SH3D19: variants seen among roughly 807,000 people sequenced by gnomAD.
The protein encoded by SH3D19 is SH3 domain-containing protein 19.
SH3D19 carries 58 observed loss-of-function variants against 112.1 expected under a neutral mutation model. The observed-to-expected ratio is 0.52, with a 90% CI of 0.42 to 0.64. The LOEUF (loss-of-function observed/expected upper bound fraction) is 0.64, where lower values mean the gene tolerates loss of function less well. SH3D19 is among the 30% of genes least tolerant of loss of function. SH3D19 has a pLI of 0.00. For missense variants in SH3D19, 1,090 were observed against 1,263.4 expected (o/e 0.86, Z 2.08); for synonymous variants, 391 against 448.5 (o/e 0.87, Z 1.62).
chr4:151,280,051 A>AGATAGGCAGGGCGGAAGG, intron 1 of SH3D19: 3 of 702,750 alleles, frequency 4.3e-6, no homozygotes, highest in Non-Finnish European at 6.1e-6. Context: ...GAAAGTGGTA[A>AGATAGGCAGGGCGGAAGG]AATAGGCAGG....
intron 7 of SH3D19, among the ~76,000 whole-genome samples, chr4:151,171,409 A>G (rs1759029351): frequency 6.6e-6 from 1 of 152,210 alleles, no homozygotes; most frequent in African/African-American, 2.4e-5. Context: ...GAGCATCTTA[A>G]GAAGAATCTC....
chr4:151,303,071 T>C (rs1171440126), intron 1 of SH3D19, among the ~76,000 whole-genome samples: 4 of 152,200 alleles, frequency 2.6e-5, no homozygotes, highest in Non-Finnish European at 5.9e-5. Flanking sequence ...CTAGAACAGG[T>C]TCTGTTGGGT....
intron 15 of SH3D19, among the ~76,000 whole-genome samples, chr4:151,134,423 C>T (rs1309561401): frequency 1.3e-5 from 2 of 152,162 alleles, no homozygotes; most frequent in Admixed American, 1.3e-4. Flanking sequence ...AGGAAAACCC[C>T]TTCAACTTAA....
At chr4:151,146,194 A>G (rs1480797957) in intron 11 of SH3D19, among the ~76,000 whole-genome samples, 1 of 152,244 alleles carries the variant, frequency 6.6e-6, no homozygotes, top group East Asian at 1.9e-4. Flanking sequence ...TCAATGATGG[A>G]AATGTAACAC....
At chr4:151,122,409 A>G (rs1421282054) in intron 19 of SH3D19, among the ~76,000 whole-genome samples, 5 of 152,040 alleles carry the variant, frequency 3.3e-5, no homozygotes, top group Admixed American at 6.6e-5. Context: ...TTCCTTTGCC[A>G]CTGCCACCCT....
chr4:151,200,255 TAC>T (rs1425675157), intron 2 of SH3D19, among the ~76,000 whole-genome samples: 1 of 151,796 alleles, frequency 6.6e-6, no homozygotes, highest in Non-Finnish European at 1.5e-5. Flanking sequence ...TACATACACA[TAC>T]ACACACACCC....
intron 1 of SH3D19, among the ~76,000 whole-genome samples, chr4:151,249,661 G>T (rs1453689968): frequency 6.6e-6 from 1 of 151,564 alleles, no homozygotes; most frequent in Non-Finnish European, 1.5e-5. Context: ...TAAACTTCGT[G>T]TAAAAAAAAA....
chr4:151,257,017 A>T (rs1771979008), intron 1 of SH3D19, among the ~76,000 whole-genome samples: 1 of 152,170 alleles, frequency 6.6e-6, no homozygotes, highest in Non-Finnish European at 1.5e-5. Context: ...GATTACAGGC[A>T]TGAGTCACAG....
intron 13 of SH3D19, among the ~76,000 whole-genome samples, chr4:151,139,444 G>A (rs1356838665): frequency 6.6e-6 from 1 of 152,178 alleles, no homozygotes; most frequent in Admixed American, 6.5e-5. Context: ...GAGCCACTGC[G>A]CCCGGCCTAG....
intron 1 of SH3D19, chr4:151,279,787 T>A (rs756334460): frequency 6.2e-7 from 1 of 1,613,404 alleles, no homozygotes; most frequent in Non-Finnish European, 8.5e-7. Flanking sequence ...CTTTCTTCTC[T>A]TTCTCTAGTG....
At chr4:151,155,941 A>T (rs530834735) in intron 9 of SH3D19, among the ~76,000 whole-genome samples, 6 of 152,074 alleles carry the variant, frequency 3.9e-5, no homozygotes, top group Non-Finnish European at 7.4e-5. Flanking sequence ...TACCAAAAAA[A>T]CCCTCTTAGA....
chr4:151,230,959 T>C (rs902467021), intron 1 of SH3D19, among the ~76,000 whole-genome samples: 6 of 152,200 alleles, frequency 3.9e-5, no homozygotes, highest in Non-Finnish European at 8.8e-5. Flanking sequence ...TTCTGTAGCA[T>C]ACTCCCAAGC....
intron 19 of SH3D19, among the ~76,000 whole-genome samples, chr4:151,125,979 A>G (rs956098095): frequency 2.6e-5 from 4 of 152,098 alleles, no homozygotes; most frequent in African/African-American, 4.8e-5. Context: ...ATAAAGTAAA[A>G]CCCCATCACA....
Position 151,122,001 on chromosome 4 carries a change from G to C in SH3D19, c.*90C>G. 1 of 704,830 alleles carries C rather than the reference G, an allele frequency of 1.4e-6. No homozygotes were observed. The highest frequency in any genetic ancestry group is 2.5e-6 in the Non-Finnish European group (1 of 402,464). 43.7% of individuals were successfully genotyped at this position (704,830 alleles called of 1,614,324 possible). On this transcript the variant is annotated 3_prime_UTR_variant, in exon 20 of 20. Coordinates refer to ENST00000604030, the MANE Select transcript of SH3D19 (RefSeq NM_001378122.1). ...GTACAGCTTAGATATTTCTTTTTCAGTTAAAAAAAATAGTGCAAAAACATA... is the reference window on the plus strand; with the variant it reads ...GTACAGCTTAGATATTTCTTTTTCACTTAAAAAAAATAGTGCAAAAACATA...
intron 2 of SH3D19, among the ~76,000 whole-genome samples, chr4:151,204,650 T>C (rs1208645310): frequency 2.0e-5 from 3 of 152,242 alleles, no homozygotes; most frequent in African/African-American, 7.2e-5. Flanking sequence ...CATGGAGATG[T>C]TATTTTTAAA....
intron 1 of SH3D19, among the ~76,000 whole-genome samples, chr4:151,258,985 A>C (rs1364728878): frequency 6.6e-6 from 1 of 152,068 alleles, no homozygotes; most frequent in Non-Finnish European, 1.5e-5. Flanking sequence ...GCTTCAGACT[A>C]GGAAAGGCTG....
At chr4:151,280,007 T>C (rs1186744916) in intron 1 of SH3D19, 1 of 1,268,282 alleles carries the variant, frequency 7.9e-7, no homozygotes, top group Non-Finnish European at 1.0e-6. Flanking sequence ...CAGTGAATAT[T>C]TGCATCACTT....
At chr4:151,265,573 T>TC (rs1478701328) in intron 1 of SH3D19, among the ~76,000 whole-genome samples, 1,921 of 133,868 alleles carry the variant, frequency 0.014, 23 homozygotes, top group South Asian at 0.018. Context: ...TCTTTTCTTT[T>TC]TTTTTTTTTT....
rs571911913 is a variant in SH3D19, at chr4:151,132,382, G to T, written c.2691C>A (p.Ser897Arg). The T allele has an allele frequency of 6.2e-7, 1 of 1,613,214 alleles. No individual in the cohort carries two copies. Among genetic ancestry groups the T allele is most frequent in the South Asian group, 1.1e-5 (1 of 90,958 alleles). The change falls in exon 17 of 20, where the codon AGC (serine) becomes AGA (arginine). Residue 897 changes from serine (S) to arginine (R), a missense_variant and splice_region_variant. Coordinates refer to ENST00000604030, the MANE Select transcript of SH3D19 (RefSeq NM_001378122.1). Reference sequence around the variant, plus strand: ...TTTTGGTTTTCAGTGGTACCTTTGTGCCTACATTAAAAAAACAAACAAACA... The same window carrying T: ...TTTTGGTTTTCAGTGGTACCTTTGTTCCTACATTAAAAAAACAAACAAACA... Reference protein sequence around the residue: ...DYPTSGANVLSTKVPLKTKKE... With the variant: ...DYPTSGANVLRTKVPLKTKKE...
Sources: gnomAD v4.1 joint callset for allele counts (sites outside exome capture counted in the v4.1 genomes callset) on GRCh38, gnomAD v4.1.1 for gene constraint, MANE v1.5 for transcripts, NCBI Gene and HGNC (gene_info 2026-07-23, HGNC 2026-07-21) for gene names.